The following SPAG16 variants were observed in gnomAD, a reference collection of about 807,000 sequenced individuals.
SPAG16 encodes the protein sperm-associated antigen 16 protein.
SPAG16 carries 86 observed loss-of-function variants against 80.4 expected under a neutral mutation model. That is an observed-to-expected ratio of 1.07 (90% CI 0.90 to 1.28). The LOEUF (loss-of-function observed/expected upper bound fraction) is 1.28, where lower values mean the gene tolerates loss of function less well. Among genes scored for constraint, SPAG16 ranks in the 50% most tolerant of loss-of-function variants. The pLI is 0.00. For synonymous variants in SPAG16, 294 were observed against 265.9 expected (o/e 1.11, Z -1.03); for missense variants, 870 against 765.3 (o/e 1.14, Z -1.61).
At chr2:213,931,151 C>A (rs951064916) in intron 12 of SPAG16, among the ~76,000 whole-genome samples, 2 of 152,146 alleles carry the variant, frequency 1.3e-5, no homozygotes, top group Admixed American at 6.5e-5. Context: ...TACCATCCTG[C>A]ATGTGAAATT....
intron 10 of SPAG16, among the ~76,000 whole-genome samples, chr2:213,702,774 T>C (rs2065530374): frequency 6.6e-6 from 1 of 152,190 alleles, no homozygotes. Context: ...ATTTTGACTG[T>C]TCTTTGAAAA....
At chr2:213,702,816 A>G (rs2065536305) in intron 10 of SPAG16, among the ~76,000 whole-genome samples, 1 of 152,206 alleles carries the variant, frequency 6.6e-6, no homozygotes, top group African/African-American at 2.4e-5. Context: ...TATATCAAGA[A>G]GATTTAAGAT....
intron 14 of SPAG16, among the ~76,000 whole-genome samples, chr2:214,120,355 A>G (rs1344825453): frequency 1.3e-5 from 2 of 151,858 alleles, no homozygotes; most frequent in Non-Finnish European, 2.9e-5. Flanking sequence ...ATAGAAATGT[A>G]GTATTTTAGA....
At chr2:214,258,481 A>ATATATATATATATATATATATATATT (rs1690877478) in intron 15 of SPAG16, among the ~76,000 whole-genome samples, 1 of 146,642 alleles carries the variant, frequency 6.8e-6, no homozygotes, top group African/African-American at 2.5e-5. Context: ...GTATATATAT[A>ATATATATATATATATATATATATATT]TATATATATA....
At chr2:214,163,084 C>A (rs1381830352) in intron 15 of SPAG16, among the ~76,000 whole-genome samples, 1 of 151,996 alleles carries the variant, frequency 6.6e-6, no homozygotes, top group Non-Finnish European at 1.5e-5. Flanking sequence ...AAATCCTTAA[C>A]CACAAATGGT....
chr2:214,201,799 A>T (rs2058016355), intron 15 of SPAG16, among the ~76,000 whole-genome samples: 1 of 152,040 alleles, frequency 6.6e-6, no homozygotes, highest in African/African-American at 2.4e-5. Context: ...CAATGTCAAA[A>T]ATCACATTTC....
At chr2:214,298,854 C>A (rs913191984) in intron 15 of SPAG16, among the ~76,000 whole-genome samples, 1 of 152,034 alleles carries the variant, frequency 6.6e-6, no homozygotes, top group South Asian at 2.1e-4. Context: ...AGGGGCATAG[C>A]CATGGTGTGA....
chr2:214,057,856 A>G (rs1459965398), intron 13 of SPAG16, among the ~76,000 whole-genome samples: 1 of 152,062 alleles, frequency 6.6e-6, no homozygotes, highest in African/African-American at 2.4e-5. Flanking sequence ...ACTTTATGTT[A>G]TGGAGATGGC....
At chr2:213,377,185 G>C (rs1446088565) in intron 9 of SPAG16, among the ~76,000 whole-genome samples, 2 of 152,170 alleles carry the variant, frequency 1.3e-5, no homozygotes, top group South Asian at 2.1e-4. Context: ...TACAGGCATT[G>C]TTTTAATGTC....
chr2:213,851,029 C>T (rs994729698), intron 10 of SPAG16, among the ~76,000 whole-genome samples: 1 of 151,972 alleles, frequency 6.6e-6, no homozygotes. Flanking sequence ...TTTATCCAAC[C>T]TGAAGACTTT....
intron 15 of SPAG16, among the ~76,000 whole-genome samples, chr2:214,154,508 C>A (rs1055947705): frequency 2.9e-4 from 42 of 142,382 alleles, no homozygotes; most frequent in African/African-American, 9.4e-4. Flanking sequence ...ACCCCCCCCC[C>A]CCATTTTTTC....
chr2:213,593,746 C>CT lies in SPAG16; in HGVS notation c.1070+103702dup, dbSNP rs541949006. Among the ~76,000 whole-genome samples the CT allele has an allele frequency of 4.0e-5, 2 of 50,136 alleles. 1 individual carries two copies. Among genetic ancestry groups the CT allele is most frequent in the Non-Finnish European group, 1.0e-4 (2 of 19,826 alleles). The allele number at this position is 50,136 out of a possible 152,430, so 32.9% of individuals were successfully genotyped here. On this transcript the variant is annotated intron_variant, in intron 10 of 15. Coordinates refer to ENST00000331683, the MANE Select transcript of SPAG16 (RefSeq NM_024532.5). ...TCATACCCCATCATCCCCACCACAT[C>CT]TTTTTTTTTTTTTTTTTTTTTTTTT...
At chr2:213,588,803 C>T (rs556684156) in intron 10 of SPAG16, among the ~76,000 whole-genome samples, 9 of 56,482 alleles carry the variant, frequency 1.6e-4, no homozygotes, top group East Asian at 1.0e-3. Context: ...AGCGAGACTC[C>T]GTCTCAAAAA....
chr2:213,310,615 C>A (rs914608004), intron 4 of SPAG16, among the ~76,000 whole-genome samples: 1 of 151,540 alleles, frequency 6.6e-6, no homozygotes, highest in Admixed American at 6.6e-5. Context: ...AATGGCTTGT[C>A]TTTTTCTACT....
intron 13 of SPAG16, among the ~76,000 whole-genome samples, chr2:214,027,606 G>GTTTATTTTATTTTATTATTATTATA (rs1387938799): frequency 2.0e-5 from 3 of 151,870 alleles, no homozygotes; most frequent in Non-Finnish European, 4.4e-5. Flanking sequence ...ACTCTTTCCA[G>GTTTATTTTATTTTATTATTATTATA]CAATCCATCT....
chr2:213,642,420 C>T (rs2062627616), intron 10 of SPAG16, among the ~76,000 whole-genome samples: 1 of 152,154 alleles, frequency 6.6e-6, no homozygotes, highest in South Asian at 2.1e-4. Flanking sequence ...ATGGTTAATA[C>T]TGAGTGTCAG....
At chr2:214,103,523 G>A (rs1400926136) in intron 13 of SPAG16, among the ~76,000 whole-genome samples, 1 of 152,190 alleles carries the variant, frequency 6.6e-6, no homozygotes, top group Admixed American at 6.5e-5. Context: ...CATGAAAAAG[G>A]TTGTGTTTGA....
chr2:214,354,118 A>AC (rs1698607105), intron 15 of SPAG16, among the ~76,000 whole-genome samples: 1 of 24,920 alleles, frequency 4.0e-5, no homozygotes. Context: ...ATATATACCT[A>AC]CTATGTACCC....
chr2:214,159,677 G>A (rs545815879), intron 15 of SPAG16, among the ~76,000 whole-genome samples: 1 of 151,794 alleles, frequency 6.6e-6, no homozygotes, highest in Admixed American at 6.6e-5. Flanking sequence ...TTTCTCACTT[G>A]TTCTATAAGA....
Sources: gnomAD v4.1 joint callset for allele counts (sites outside exome capture counted in the v4.1 genomes callset) on GRCh38, gnomAD v4.1.1 for gene constraint, MANE v1.5 for transcripts, NCBI Gene and HGNC (gene_info 2026-07-23, HGNC 2026-07-21) for gene names.